C6orf118: variants seen among roughly 807,000 people sequenced by gnomAD.
The protein encoded by C6orf118 is chromosome 6 open reading frame 118.
C6orf118 carries 50 observed loss-of-function variants against 50.2 expected under a neutral mutation model. The ratio of observed to expected loss-of-function variants is 1.00; its 90% CI spans 0.79 to 1.26. C6orf118 has a LOEUF of 1.26. C6orf118 is among the 50% of genes most tolerant of loss of function. C6orf118 has a pLI of 0.00. For synonymous variants in C6orf118, 239 were observed against 230.9 expected (o/e 1.03, Z -0.32); for missense variants, 641 against 578.7 (o/e 1.11, Z -1.10).
rs59248719 is a variant in C6orf118, at chr6:165,297,899, C to T, written c.1061+78G>A. The T allele has an allele frequency of 1.1e-4, 170 of 1,592,690 alleles. No homozygotes were observed. In the African/African-American group the frequency reaches 1.8e-3, roughly 17 times the overall value. ...TCAGCAACGCAGAAATCAATGTAACCGTAGGCTTGTCACAGCGGTTTCAGA... is the reference window on the plus strand; with the variant it reads ...TCAGCAACGCAGAAATCAATGTAACTGTAGGCTTGTCACAGCGGTTTCAGA... On this transcript the variant is annotated intron_variant, in intron 5 of 8. Coordinates refer to ENST00000230301, the MANE Select transcript of C6orf118 (RefSeq NM_144980.4).
chr6:165,309,369 C>G (rs1780860458), intron 1 of C6orf118, among the ~76,000 whole-genome samples, 193 bp downstream of exon 1: 1 of 152,252 alleles, frequency 6.6e-6, no homozygotes, highest in South Asian at 2.1e-4. Context: ...CTGTGCTTTG[C>G]GCGCTGGTTT....
Position 165,301,583 on chromosome 6 carries a change from T to A in C6orf118, c.739A>T (p.Arg247Ter), listed in dbSNP as rs898878802. ...GCCCTCCTCACCTGCTGCAGCTTTC[T>A]CTCGTGGCCCGCGGCCGCCTTGCTC... Reference protein sequence around the residue: ...TGSKAAAGHERKLQQELQKIC... With the variant: ...TGSKAAAGHE Residue 247 changes from arginine to a stop codon, truncating the protein, a stop_gained, in exon 2 of 9, where the codon AGA becomes TGA. Coordinates refer to ENST00000230301, the MANE Select transcript of C6orf118 (RefSeq NM_144980.4). LOFTEE classifies it high-confidence loss of function. The A allele has an allele frequency of 1.9e-6, 3 of 1,612,230 alleles. No homozygotes were observed.
At chr6:165,286,524 C>T (rs532339478) in intron 7 of C6orf118, among the ~76,000 whole-genome samples, 4 of 152,202 alleles carry the variant, frequency 2.6e-5, no homozygotes, top group African/African-American at 7.2e-5. Context: ...ATGCAAAAAT[C>T]GTCAATAAAA....
In C6orf118 at chr6:165,293,607, C is replaced by T. The variant is rs552392138; in HGVS notation, c.1062-136G>A. ...GCTTACTTTTAACACGACAGATACT[C>T]TGAAGATATTTATTAAATGACAGCC... is the stretch of plus-strand genomic sequence containing the variant. On this transcript the variant is annotated intron_variant, in intron 5 of 8. Transcript: ENST00000230301. 64 of 615,558 alleles carry T rather than the reference C, an allele frequency of 1.0e-4. No homozygotes were observed. In the South Asian group the frequency reaches 1.7e-3, roughly 16 times the overall value. The allele number at this position is 615,558 out of a possible 1,614,324, so 38.1% of individuals were successfully genotyped here.
At chr6:165,284,214 G>A (rs1779830227) in intron 7 of C6orf118, among the ~76,000 whole-genome samples, 1 of 152,096 alleles carries the variant, frequency 6.6e-6, no homozygotes, top group Admixed American at 6.6e-5. Flanking sequence ...AGACCAAGTG[G>A]AGGAAATAAT....
chr6:165,302,492 G>A lies in C6orf118; in HGVS notation c.26-196C>T, dbSNP rs912074497. The stretch of plus-strand genomic sequence containing the variant: ...CAGTGTGCTGCTGCAGATGAGAGGC[G>A]CCCAGGCCCCCAGGATGTGCAAGTC... On this transcript the variant is annotated intron_variant, in intron 1 of 8. Coordinates refer to ENST00000230301, the MANE Select transcript of C6orf118 (RefSeq NM_144980.4). 4.6e-5 allele frequency among the ~76,000 whole-genome samples: 7 copies of A among 152,238 alleles called. No individual in the cohort carries two copies. In the South Asian group the frequency reaches 8.3e-4, roughly 18 times the overall value.
At chr6:165,302,364 T>C (rs1486429414) in intron 1 of C6orf118, 68 bp from the exon 2 acceptor site, 5 of 1,536,268 alleles carry the variant, frequency 3.3e-6, no homozygotes, top group East Asian at 2.2e-5. Context: ...GCTGGTGCAC[T>C]GGCTGAGAGG....
chr6:165,289,930 T>G lies in C6orf118; in HGVS notation c.1258A>C (p.Thr420Pro). Reference sequence around the variant, plus strand: ...TTCTCAGTGATATCTGAAATTCCAGTATGAACCAAAGTTGTTTTAATTTCT... The same window carrying G: ...TTCTCAGTGATATCTGAAATTCCAGGATGAACCAAAGTTGTTTTAATTTCT... ...EKEIKTTLVHTGISDITENRI... is the reference protein window; with the variant it reads ...EKEIKTTLVHPGISDITENRI... Residue 420 changes from threonine (T) to proline (P), a missense_variant, in exon 7 of 9, where the codon ACT becomes CCT. By Grantham distance (38) the Thr-to-Pro change is conservative. Transcript: ENST00000230301. 6.2e-7 allele frequency: 1 copy of G among 1,609,636 alleles called. No individual in the cohort carries two copies.
intron 5 of C6orf118, among the ~76,000 whole-genome samples, chr6:165,293,966 G>C (rs183135744): frequency 7.0e-4 from 106 of 152,184 alleles, no homozygotes; most frequent in African/African-American, 2.4e-3. Context: ...AATACAAGAG[G>C]CCGGGCATGG....
In C6orf118 at chr6:165,290,061, G is replaced by A; in HGVS notation, c.1127C>T (p.Ser376Phe). The A allele has an allele frequency of 3.8e-6, 6 of 1,581,010 alleles. No individual in the cohort carries two copies. The highest frequency in any genetic ancestry group is 5.2e-6 in the Non-Finnish European group (6 of 1,163,244). ...LQSAKERSES[S>F]EKHIIDENRL... ...GTTTTCATCAATTATATGTTTCTCAGATGATTCTGGAAATATTTTTTAAAA... is the reference window on the plus strand; with the variant it reads ...GTTTTCATCAATTATATGTTTCTCAAATGATTCTGGAAATATTTTTTAAAA... The change falls in exon 7 of 9, where the codon TCT (serine) becomes TTT (phenylalanine). Residue 376 changes from serine to phenylalanine, a missense_variant. Transcript: ENST00000230301.
intron 5 of C6orf118, among the ~76,000 whole-genome samples, chr6:165,293,694 G>C (rs1422022190): frequency 6.6e-6 from 1 of 152,082 alleles, no homozygotes; most frequent in Non-Finnish European, 1.5e-5. Flanking sequence ...CCTTTAAAGA[G>C]TTAGTTAATT....
chr6:165,288,827 A>C (rs1418662201), intron 7 of C6orf118, among the ~76,000 whole-genome samples: 2 of 152,096 alleles, frequency 1.3e-5, no homozygotes, highest in Non-Finnish European at 2.9e-5. Context: ...TAGCTAATGC[A>C]TGTTGGGTTT....
chr6:165,301,817 G>A lies in C6orf118; in HGVS notation c.505C>T (p.Pro169Ser), dbSNP rs866217303. Residue 169 changes from proline (P) to serine (S), a missense_variant, in exon 2 of 9, where the codon CCT becomes TCT. Pro to Ser is a moderately conservative substitution (Grantham distance 74, BLOSUM62 -1). Coordinates refer to ENST00000230301, the MANE Select transcript of C6orf118 (RefSeq NM_144980.4). ...KKGGPPGRGP[P>S]GWRRREELRL... ...AGTTCTTCCCTCCTGCGCCATCCAG[G>A]AGGGCCCCGTCCAGGAGGGCCTCCT... The A allele has an allele frequency of 6.2e-7, 1 of 1,613,870 alleles. No individual in the cohort carries two copies. Among genetic ancestry groups the A allele is most frequent in the Non-Finnish European group, 8.5e-7 (1 of 1,179,948 alleles).
chr6:165,284,660 G>C (rs1018092371), intron 7 of C6orf118, among the ~76,000 whole-genome samples: 2 of 152,108 alleles, frequency 1.3e-5, no homozygotes, highest in Non-Finnish European at 2.9e-5. Flanking sequence ...AAGAGATTGG[G>C]GGTCAATACC....
At chr6:165,286,559 A>C (rs972714670) in intron 7 of C6orf118, among the ~76,000 whole-genome samples, 1 of 152,210 alleles carries the variant, frequency 6.6e-6, no homozygotes. Flanking sequence ...ATACAGCAGC[A>C]CATCTAAAAG....
chr6:165,289,646 A>G (rs183449979), intron 7 of C6orf118, among the ~76,000 whole-genome samples: 256 of 152,216 alleles, frequency 1.7e-3, no homozygotes, highest in Non-Finnish European at 2.1e-3. Context: ...TTACTCAAAA[A>G]ATTAGGTTTT....
rs1359233826 is a variant in C6orf118 at position 165,290,216 on chromosome 6, T to C, written c.1121-149A>G. On this transcript the variant is annotated intron_variant, in intron 6 of 8. Coordinates refer to ENST00000230301, the MANE Select transcript of C6orf118 (RefSeq NM_144980.4). ...ACTCGAAGCATGTCAATAAAAATAATCTGACCCCAGAATGAGGGTATTCCT... is the reference window on the plus strand; with the variant it reads ...ACTCGAAGCATGTCAATAAAAATAACCTGACCCCAGAATGAGGGTATTCCT... 5 of 561,378 alleles carry C rather than the reference T, an allele frequency of 8.9e-6. No homozygotes were observed. In the East Asian group the frequency reaches 1.6e-4, roughly 18 times the overall value. 34.8% of individuals were successfully genotyped at this position (561,378 alleles called of 1,614,324 possible). A position where few individuals can be genotyped will look rare whatever the true frequency, so the allele number is the denominator to read the frequency against.
intron 3 of C6orf118, 93 bp downstream of exon 3, chr6:165,300,271 C>T: frequency 6.8e-7 from 1 of 1,473,458 alleles, no homozygotes; most frequent in Non-Finnish European, 9.3e-7. Flanking sequence ...CCTGTGATAC[C>T]TAGCAGAATT....
rs145070973 is a variant in C6orf118, at chr6:165,297,998, G to A, written c.1040C>T (p.Ala347Val). ...TCACCTATCATTCTGCTCCAGGGCT[G>A]CTTTTGTGGCTGTCACGAGCATCCT... The part of the protein sequence containing the change: ...ELRMLVTATK[A>V]ALEQNDRLRS... Residue 347 changes from alanine to valine, a missense_variant, in exon 5 of 9, where the codon GCA becomes GTA. By Grantham distance (64) the Ala-to-Val change is moderately conservative. Coordinates refer to ENST00000230301, the MANE Select transcript of C6orf118 (RefSeq NM_144980.4). 274 of 1,613,914 alleles carry A rather than the reference G, an allele frequency of 1.7e-4. No homozygotes were observed. In the African/African-American group the frequency reaches 3.2e-3, roughly 19 times the overall value.
Sources: allele counts gnomAD v4.1 joint callset (sites outside exome capture counted in the v4.1 genomes callset), GRCh38; gene constraint gnomAD v4.1.1; transcripts MANE v1.5; gene names NCBI Gene and HGNC (gene_info 2026-07-23, HGNC 2026-07-21).